Variants in ZNF438 observed in about 807,000 individuals in gnomAD.
ZNF438 encodes zinc finger protein 438.
A neutral mutation model predicts 38.0 loss-of-function variants in ZNF438; 25 were observed. The ratio of observed to expected loss-of-function variants is 0.66; its 90% confidence interval spans 0.48 to 0.92. The LOEUF is 0.92. Ranked by LOEUF, ZNF438 falls within the 40% of genes least tolerant of loss-of-function variation. The probability of loss-of-function intolerance (pLI) is 0.00; values close to 1 mark genes in which losing one functional copy is unlikely to be tolerated. For synonymous variants in ZNF438, 372 were observed against 364.1 expected (o/e 1.02, Z -0.25); for missense variants, 1,007 against 999.6 (o/e 1.01, Z -0.10).
intron 1 of ZNF438, among the ~76,000 whole-genome samples, chr10:30,991,834 A>G (rs1268751871): frequency 1.3e-5 from 2 of 152,182 alleles, no homozygotes; most frequent in African/African-American, 4.8e-5. Flanking sequence ...AGAGCTTGAT[A>G]TGGGCACAAG....
chr10:31,027,201 C>G (rs1245640098), intron 1 of ZNF438, among the ~76,000 whole-genome samples: 1 of 151,988 alleles, frequency 6.6e-6, no homozygotes, highest in African/African-American at 2.4e-5. Context: ...TGTAACAAAC[C>G]TGCATGTTGT....
chr10:31,016,483 A>G (rs1236542644), intron 1 of ZNF438, among the ~76,000 whole-genome samples: 1 of 152,210 alleles, frequency 6.6e-6, no homozygotes, highest in Non-Finnish European at 1.5e-5. Context: ...ATAAAAAAAG[A>G]ATTTATTTCT....
intron 3 of ZNF438, among the ~76,000 whole-genome samples, chr10:30,902,541 T>C (rs556447558): frequency 2.7e-5 from 4 of 149,150 alleles, no homozygotes; most frequent in South Asian, 2.2e-4. Context: ...GAGCTAGACA[T>C]AGAGTGCCGA....
intron 1 of ZNF438, among the ~76,000 whole-genome samples, chr10:31,021,459 G>A (rs59414846): frequency 0.056 from 8,457 of 152,196 alleles, 280 homozygotes; most frequent in Non-Finnish European, 0.074. Context: ...GAAATATTGG[G>A]TTGGTGCAAA....
intron 3 of ZNF438, among the ~76,000 whole-genome samples, chr10:30,901,125 G>A (rs574499327): frequency 5.9e-5 from 9 of 151,662 alleles, no homozygotes; most frequent in South Asian, 4.2e-4. Context: ...TCAGGAAGTC[G>A]CCTTTCTTAT....
chr10:30,906,579 CCTG>C (rs2042607749), intron 3 of ZNF438, among the ~76,000 whole-genome samples: 1 of 152,140 alleles, frequency 6.6e-6, no homozygotes, highest in South Asian at 2.1e-4. Flanking sequence ...ACCTAACTGT[CCTG>C]CTTAGAACCT....
At chr10:30,997,935 T>G (rs954081760) in intron 1 of ZNF438, among the ~76,000 whole-genome samples, 19 of 151,984 alleles carry the variant, frequency 1.3e-4, no homozygotes, top group Non-Finnish European at 2.6e-4. Context: ...ATGATAAGAG[T>G]TAGCTGCTAT....
intron 1 of ZNF438, among the ~76,000 whole-genome samples, chr10:31,007,648 T>A (rs1340545473): frequency 6.6e-6 from 1 of 152,226 alleles, no homozygotes; most frequent in African/African-American, 2.4e-5. Flanking sequence ...AATACACAGG[T>A]AAAATGAACT....
At chr10:30,909,661 T>C (rs779721477) in intron 2 of ZNF438, among the ~76,000 whole-genome samples, 11 of 152,206 alleles carry the variant, frequency 7.2e-5, no homozygotes, top group Non-Finnish European at 1.2e-4. Context: ...GGTGAATCAT[T>C]TTCAAACTTG....
intron 1 of ZNF438, among the ~76,000 whole-genome samples, chr10:31,013,639 G>A (rs1029976814): frequency 3.9e-5 from 6 of 152,154 alleles, no homozygotes; most frequent in Non-Finnish European, 5.9e-5. Flanking sequence ...ATGCAGGAAA[G>A]AAACTTCCCG....
chr10:30,992,711 C>T (rs1205150536), intron 1 of ZNF438, among the ~76,000 whole-genome samples: 2 of 152,170 alleles, frequency 1.3e-5, no homozygotes, highest in Non-Finnish European at 2.9e-5. Flanking sequence ...CCGTGCCCAG[C>T]CTGAATCTTC....
At chr10:31,031,559 C>T (rs926809952) in intron 1 of ZNF438, among the ~76,000 whole-genome samples, 3 of 152,218 alleles carry the variant, frequency 2.0e-5, no homozygotes, top group Admixed American at 6.5e-5. Flanking sequence ...ACTTTCCGCC[C>T]CTTCTAAGGC....
intron 1 of ZNF438, among the ~76,000 whole-genome samples, chr10:31,015,511 G>T (rs2133179750): frequency 6.6e-6 from 1 of 152,220 alleles, no homozygotes; most frequent in East Asian, 1.9e-4. Context: ...GGACGTAGTG[G>T]TGTATGCCTG....
chr10:30,865,636 A>G (rs1160388188), intron 4 of ZNF438, among the ~76,000 whole-genome samples: 1 of 152,250 alleles, frequency 6.6e-6, no homozygotes, highest in Admixed American at 6.5e-5. Flanking sequence ...CTCCTTTACT[A>G]AACTTGATAA....
intron 1 of ZNF438, among the ~76,000 whole-genome samples, chr10:30,945,280 T>C (rs2047257059): frequency 6.6e-6 from 1 of 152,038 alleles, no homozygotes; most frequent in South Asian, 2.1e-4. Flanking sequence ...TTCTCAATAC[T>C]GCTAGTATTA....
chr10:30,879,935 T>C (rs1403042879), intron 3 of ZNF438, among the ~76,000 whole-genome samples: 3 of 152,104 alleles, frequency 2.0e-5, no homozygotes, highest in East Asian at 1.9e-4. Context: ...TTTTCCAAAT[T>C]TGATGAAGCT....
chr10:30,946,432 C>T (rs1035445677), intron 1 of ZNF438, among the ~76,000 whole-genome samples: 24 of 151,988 alleles, frequency 1.6e-4, no homozygotes, highest in Non-Finnish European at 2.1e-4. Context: ...AGAAAATTTT[C>T]GCAACCTACT....
At chr10:30,974,566 C>T (rs537448986) in intron 1 of ZNF438, among the ~76,000 whole-genome samples, 2 of 152,160 alleles carry the variant, frequency 1.3e-5, no homozygotes, top group African/African-American at 4.8e-5. Flanking sequence ...TAGGGACAAT[C>T]GACTGCAACA....
chr10:31,001,221 TA>T (rs1398496897), intron 1 of ZNF438, among the ~76,000 whole-genome samples: 1 of 152,168 alleles, frequency 6.6e-6, no homozygotes, highest in East Asian at 1.9e-4. Context: ...AAAAATGTTT[TA>T]AAAAAACAAC....
Sources: allele counts gnomAD v4.1 joint callset (sites outside exome capture counted in the v4.1 genomes callset), GRCh38; gene constraint gnomAD v4.1.1; transcripts MANE v1.5; gene names NCBI Gene and HGNC (gene_info 2026-07-23, HGNC 2026-07-21).